SMARCA2: variants seen among roughly 807,000 people sequenced by gnomAD.
SMARCA2 encodes SWI/SNF related BAF chromatin remodeling complex subunit ATPase 2.
In SMARCA2, 61 loss-of-function variants were observed where a neutral mutation model predicts 199.8. The observed-to-expected ratio is 0.31, with a 90% CI of 0.25 to 0.38. SMARCA2 has a LOEUF of 0.38. Among genes scored for constraint, SMARCA2 ranks in the 10% least tolerant of loss-of-function variants. SMARCA2 has a pLI of 1.00. For synonymous variants in SMARCA2, 935 were observed against 732.0 expected (o/e 1.28, Z -4.48); for missense variants, 1,344 against 2,012.2 (o/e 0.67, Z 6.35).
chr9:2,150,852 G>C (rs79106151), intron 27 of SMARCA2, among the ~76,000 whole-genome samples: 2 of 151,364 alleles, frequency 1.3e-5, no homozygotes, highest in African/African-American at 4.8e-5. Context: ...TACCTCCTTG[G>C]TGTATGTATG....
chr9:2,158,717 A>T, intron 27 of SMARCA2: 1 of 417,434 alleles, frequency 2.4e-6, no homozygotes, highest in Non-Finnish European at 4.2e-6. Flanking sequence ...CCAGTTTAGT[A>T]AATAATTTTT....
intron 29 of SMARCA2, 190 bp from the exon 30 acceptor site, chr9:2,181,381 G>T: frequency 2.0e-6 from 1 of 490,020 alleles, no homozygotes; most frequent in Non-Finnish European, 3.6e-6. Flanking sequence ...GTATTTTACT[G>T]TGATCTTAAA....
chr9:2,082,133 C>A, intron 15 of SMARCA2, 138 bp downstream of exon 15: 1 of 747,132 alleles, frequency 1.3e-6, no homozygotes, highest in South Asian at 2.0e-5. Context: ...AGCATGTAAT[C>A]TGGATTTAGG....
intron 5 of SMARCA2, among the ~76,000 whole-genome samples, chr9:2,052,585 A>G (rs776414608): frequency 2.6e-5 from 4 of 152,152 alleles, no homozygotes; most frequent in Non-Finnish European, 4.4e-5. Context: ...CGTATAGCAA[A>G]TAAAACAAGA....
chr9:2,015,619 A>T (rs1818320466), intron 1 of SMARCA2, among the ~76,000 whole-genome samples: 2 of 152,286 alleles, frequency 1.3e-5, no homozygotes, highest in South Asian at 4.1e-4. Context: ...CGCGGGCCTC[A>T]GGTGGAATGC....
intron 5 of SMARCA2, 138 bp downstream of exon 5, chr9:2,047,622 C>T (rs1025361031): frequency 2.8e-6 from 3 of 1,068,554 alleles, no homozygotes; most frequent in Non-Finnish European, 3.6e-6. Context: ...TTCATCCACT[C>T]CTGGGGCCTT....
chr9:2,046,996 G>GTCTTTTTCCTTCTCCGTTT (rs1180869629), intron 4 of SMARCA2, among the ~76,000 whole-genome samples: 51 of 151,804 alleles, frequency 3.4e-4, no homozygotes, highest in Non-Finnish European at 5.7e-4. Flanking sequence ...TTCTTTCTGT[G>GTCTTTTTCCTTCTCCGTTT]TCTTTTTCCT....
At chr9:2,143,547 A>G (rs914326029) in intron 27 of SMARCA2, among the ~76,000 whole-genome samples, 1 of 152,202 alleles carries the variant, frequency 6.6e-6, no homozygotes, top group African/African-American at 2.4e-5. Flanking sequence ...CCTGTGGGAG[A>G]GGAGACCCGT....
At chr9:2,150,662 A>G (rs1340186) in intron 27 of SMARCA2, among the ~76,000 whole-genome samples, 117,867 of 151,302 alleles carry the variant, frequency 0.78, 46,705 homozygotes, top group Middle Eastern at 0.84. Context: ...CAGTCCCTCA[A>G]TGACAAATTT....
At chr9:2,140,603 C>T (rs1824415133) in intron 27 of SMARCA2, among the ~76,000 whole-genome samples, 1 of 152,086 alleles carries the variant, frequency 6.6e-6, no homozygotes, top group Non-Finnish European at 1.5e-5. Context: ...GGAACCAGTT[C>T]CCTGTCATAA....
intron 27 of SMARCA2, among the ~76,000 whole-genome samples, chr9:2,128,845 G>A (rs1008005420): frequency 1.3e-5 from 2 of 152,130 alleles, no homozygotes; most frequent in Non-Finnish European, 2.9e-5. Flanking sequence ...GGATTCTGAA[G>A]GGGGAGTATT....
chr9:2,177,521 CAT>C (rs1330357825), intron 29 of SMARCA2, among the ~76,000 whole-genome samples: 1 of 151,998 alleles, frequency 6.6e-6, no homozygotes, highest in East Asian at 1.9e-4. Context: ...AAAAAAAAAT[CAT>C]TAAAAGACAT....
intron 33 of SMARCA2, 194 bp from the exon 34 acceptor site, chr9:2,192,510 C>T: frequency 1.6e-6 from 1 of 618,438 alleles, no homozygotes; most frequent in Non-Finnish European, 2.9e-6. Context: ...TGGGGTTTTT[C>T]AGTAAGAAAA....
intron 4 of SMARCA2, among the ~76,000 whole-genome samples, chr9:2,046,923 C>T (rs533826607): frequency 3.3e-5 from 5 of 152,320 alleles, no homozygotes; most frequent in Admixed American, 1.3e-4. Flanking sequence ...ATTTTGGGAT[C>T]ATTTGCACCC....
chr9:2,117,465 G>GT (rs1265709789), intron 25 of SMARCA2, among the ~76,000 whole-genome samples: 2 of 152,184 alleles, frequency 1.3e-5, no homozygotes, highest in African/African-American at 4.8e-5. Context: ...CAGATATGGA[G>GT]TCAAATTGTC....
intron 25 of SMARCA2, among the ~76,000 whole-genome samples, chr9:2,116,401 TA>T (rs1187694098): frequency 6.6e-6 from 1 of 152,144 alleles, no homozygotes; most frequent in East Asian, 1.9e-4. Flanking sequence ...AGACAAGACA[TA>T]AATGGAAGGG....
intron 12 of SMARCA2, among the ~76,000 whole-genome samples, chr9:2,073,928 G>T (rs1229031476): frequency 6.6e-6 from 1 of 152,178 alleles, no homozygotes; most frequent in African/African-American, 2.4e-5. Context: ...GGGAGAATTG[G>T]AGATGGATTA....
intron 3 of SMARCA2, among the ~76,000 whole-genome samples, chr9:2,034,021 C>T (rs900473011): frequency 6.6e-6 from 1 of 151,954 alleles, no homozygotes; most frequent in African/African-American, 2.4e-5. Flanking sequence ...CTGAGACGGG[C>T]GGATCACGAG....
chr9:2,119,474 C>T lies in SMARCA2; in HGVS notation c.3701C>T (p.Pro1234Leu), dbSNP rs1431264534. ...EEENEEEDEV[P>L]DDETLNQMIA... is the part of the protein sequence containing the mutation. Reference sequence around the variant, plus strand: ...TAACCCCAGGAAGAAGATGAAGTACCGGACGATGAGACTCTGAACCAAATG... The same window carrying T: ...TAACCCCAGGAAGAAGATGAAGTACTGGACGATGAGACTCTGAACCAAATG... Residue 1234 changes from proline to leucine, a missense_variant, in exon 26 of 34, where the codon CCG (proline) becomes CTG (leucine). Coordinates refer to ENST00000349721, the MANE Select transcript of SMARCA2 (RefSeq NM_003070.5). The surrounding 1 kb of genome is among the most constrained non-coding windows in gnomAD (Gnocchi z 4.6). 4.3e-6 allele frequency: 7 copies of T among 1,612,634 alleles called. No individual in the cohort carries two copies. Among genetic ancestry groups the T allele is most frequent in the Non-Finnish European group, 5.9e-6 (7 of 1,178,738 alleles).
Sources: gnomAD v4.1 joint callset for allele counts (sites outside exome capture counted in the v4.1 genomes callset) on GRCh38, gnomAD v4.1.1 for gene constraint, Gnocchi (gnomAD v3.1) non-coding constraint, MANE v1.5 for transcripts, NCBI Gene and HGNC (gene_info 2026-07-23, HGNC 2026-07-21) for gene names.